Variants in PDE11A observed in about 807,000 individuals in gnomAD.
PDE11A encodes the protein phosphodiesterase 11A, also known as dual 3',5'-cyclic-AMP and -GMP phosphodiesterase 11A.
In PDE11A, 100 loss-of-function variants were observed where a neutral mutation model predicts 100.5. That is an observed-to-expected ratio of 1.00 (90% CI 0.85 to 1.18). The LOEUF (loss-of-function observed/expected upper bound fraction) is 1.18, where lower values mean the gene tolerates loss of function less well. Ranked by LOEUF, PDE11A falls within the 50% of genes most tolerant of loss-of-function variation. The pLI is 0.00. For missense variants in PDE11A, 1,141 were observed against 1,152.6 expected (o/e 0.99, Z 0.15); for synonymous variants, 381 against 420.8 (o/e 0.91, Z 1.16).
intron 19 of PDE11A, among the ~76,000 whole-genome samples, chr2:177,660,009 C>T (rs986661936): frequency 3.3e-5 from 5 of 152,122 alleles, no homozygotes; most frequent in African/African-American, 4.8e-5. Context: ...CCATAAATCA[C>T]GACTTCATCC....
At chr2:177,970,144 T>A (rs148750667) in intron 2 of PDE11A, among the ~76,000 whole-genome samples, 39 of 152,290 alleles carry the variant, frequency 2.6e-4, no homozygotes, top group African/African-American at 9.4e-4. Context: ...GGGTGATTTG[T>A]CCAGAGACTC....
chr2:178,007,882 T>A (rs758841712), intron 2 of PDE11A, among the ~76,000 whole-genome samples: 1 of 152,022 alleles, frequency 6.6e-6, no homozygotes, highest in Non-Finnish European at 1.5e-5. Flanking sequence ...ATTTTTTTTG[T>A]ATCTTTAGAG....
chr2:178,085,389 C>G (rs2087336472), intron 2 of PDE11A, among the ~76,000 whole-genome samples: 1 of 152,050 alleles, frequency 6.6e-6, no homozygotes, highest in South Asian at 2.1e-4. Flanking sequence ...ACAAAAGACA[C>G]TGTGGAGGGG....
intron 2 of PDE11A, among the ~76,000 whole-genome samples, chr2:177,970,392 C>T (rs959930946): frequency 6.6e-5 from 10 of 151,818 alleles, no homozygotes; most frequent in East Asian, 3.9e-4. Context: ...TAGGTCACAT[C>T]GATAGACTTT....
intron 6 of PDE11A, among the ~76,000 whole-genome samples, chr2:177,832,820 G>A (rs78007105): frequency 0.011 from 1,720 of 152,148 alleles, 26 homozygotes; most frequent in East Asian, 0.075. Context: ...CCCCTTCCAA[G>A]CGCTAGCAGG....
chr2:177,888,267 T>G (rs2084473250), intron 4 of PDE11A, among the ~76,000 whole-genome samples: 2 of 152,152 alleles, frequency 1.3e-5, no homozygotes, highest in South Asian at 4.2e-4. Context: ...ATTACAGAAA[T>G]TCAGATAGAT....
At chr2:177,810,291 T>C (rs2082930613) in intron 9 of PDE11A, among the ~76,000 whole-genome samples, 1 of 152,206 alleles carries the variant, frequency 6.6e-6, no homozygotes, top group South Asian at 2.1e-4. Flanking sequence ...ATACTTTTAT[T>C]GAGTACCAAT....
chr2:178,093,913 G>A (rs1224302494), intron 2 of PDE11A, among the ~76,000 whole-genome samples: 3 of 152,210 alleles, frequency 2.0e-5, no homozygotes, highest in African/African-American at 7.2e-5. Context: ...CCCCAGGCCT[G>A]CCAGTCTTTG....
At chr2:177,931,590 T>A (rs2085206640) in intron 2 of PDE11A, among the ~76,000 whole-genome samples, 1 of 151,998 alleles carries the variant, frequency 6.6e-6, no homozygotes, top group South Asian at 2.1e-4. Context: ...TAAAAATAAA[T>A]CTTTGAAATA....
intron 2 of PDE11A, among the ~76,000 whole-genome samples, chr2:177,929,889 C>T (rs2085182685): frequency 6.6e-6 from 1 of 152,104 alleles, no homozygotes; most frequent in Non-Finnish European, 1.5e-5. Context: ...AATAATCCTA[C>T]CATTGTATAA....
chr2:178,059,853 C>A (rs2086944836), intron 1 of PDE11A, among the ~76,000 whole-genome samples: 1 of 152,176 alleles, frequency 6.6e-6, no homozygotes. Context: ...ACGCTCACCA[C>A]TTAAAGGCCC....
intron 1 of PDE11A, among the ~76,000 whole-genome samples, chr2:178,066,351 C>A (rs565535312): frequency 6.6e-6 from 1 of 152,286 alleles, no homozygotes; most frequent in East Asian, 1.9e-4. Context: ...TGAAAGACCC[C>A]TGCTTGAGGT....
At position 177,948,732 on chromosome 2, in the gene PDE11A, T is replaced by G. The variant is rs528784688; in HGVS notation, c.1072-43545A>C. Among the ~76,000 whole-genome samples, 35 of 152,192 alleles carry G rather than the reference T, an allele frequency of 2.3e-4. 1 individual carries two copies. The South Asian group carries it at 7.3e-3, about 32-fold the overall frequency. The stretch of plus-strand genomic sequence containing the variant: ...CAGCCTGGGCAACACAGTGAGACAC[T>G]ATCTCTACAAAAAATAAAATTCAAA... On this transcript the variant is annotated intron_variant, in intron 2 of 19. Coordinates refer to ENST00000286063, the MANE Select transcript of PDE11A (RefSeq NM_016953.4).
chr2:178,074,703 C>G (rs2087185561), upstream of PDE11A, among the ~76,000 whole-genome samples: 1 of 152,236 alleles, frequency 6.6e-6, no homozygotes. Flanking sequence ...TCTCCGTCTA[C>G]AGCACCAAGA....
At chr2:177,847,624 T>C (rs1259009883) in intron 5 of PDE11A, among the ~76,000 whole-genome samples, 1 of 152,212 alleles carries the variant, frequency 6.6e-6, no homozygotes, top group Non-Finnish European at 1.5e-5. Flanking sequence ...GGGATACTTA[T>C]TCTTTCATTC....
In PDE11A at chr2:177,984,061, TATCA is replaced by T. The variant is rs531857458; in HGVS notation, c.1071+30237_1071+30240del. Among the ~76,000 whole-genome samples the T allele has an allele frequency of 3.5e-4, 54 of 152,358 alleles. 4 individuals carry two copies. In the South Asian group the frequency reaches 0.011, roughly 32 times the overall value. On this transcript the variant is annotated intron_variant, in intron 2 of 19. Transcript: ENST00000286063. Reference sequence around the variant, plus strand: ...TATGAAATTTTTTCTACTTAGCAGCTATCAATCAATACCAAAACGATTATCTCTT... The same window carrying T: ...TATGAAATTTTTTCTACTTAGCAGCTATCAATACCAAAACGATTATCTCTT...
intron 1 of PDE11A, among the ~76,000 whole-genome samples, chr2:178,022,223 A>G (rs1227048194): frequency 1.3e-5 from 2 of 152,168 alleles, no homozygotes; most frequent in Non-Finnish European, 2.9e-5. Context: ...AGGTAGAATG[A>G]ATAGAACTGA....
chr2:177,712,107 A>G (rs2081366822), intron 12 of PDE11A, among the ~76,000 whole-genome samples: 1 of 152,254 alleles, frequency 6.6e-6, no homozygotes, highest in Non-Finnish European at 1.5e-5. Flanking sequence ...ACACTGGGAC[A>G]TAGTTCAGAC....
In PDE11A at chr2:177,827,037, C is replaced by G. The variant is rs2083235781; in HGVS notation, c.1501-6742G>C. 3.9e-5 allele frequency among the ~76,000 whole-genome samples: 6 copies of G among 152,308 alleles called. No individual in the cohort carries two copies. In the South Asian group the frequency reaches 1.2e-3, roughly 32 times the overall value. ...ATAGAGAATGACCTGTCCTGCCAGGCTAGCTCTCAGCAGCCACTGTGGGGG... is the reference window on the plus strand; with the variant it reads ...ATAGAGAATGACCTGTCCTGCCAGGGTAGCTCTCAGCAGCCACTGTGGGGG... On this transcript the variant is annotated intron_variant, in intron 6 of 19. Coordinates refer to ENST00000286063, the MANE Select transcript of PDE11A (RefSeq NM_016953.4).
Sources: gnomAD v4.1 joint callset for allele counts (sites outside exome capture counted in the v4.1 genomes callset) on GRCh38, gnomAD v4.1.1 for gene constraint, MANE v1.5 for transcripts, NCBI Gene and HGNC (gene_info 2026-07-23, HGNC 2026-07-21) for gene names.